Variants in ITSN1 observed in about 807,000 individuals in gnomAD.
ITSN1 encodes intersectin-1.
In ITSN1, 58 loss-of-function variants were observed where a neutral mutation model predicts 239.8. The observed-to-expected ratio is 0.24, with a 90% confidence interval of 0.20 to 0.30. The LOEUF is 0.30. ITSN1 is among the 10% of genes least tolerant of loss of function. The pLI, the probability that ITSN1 is intolerant of heterozygous loss-of-function variation, is 1.00. For missense variants in ITSN1, 1,558 were observed against 2,103.3 expected (o/e 0.74, Z 5.07); for synonymous variants, 780 against 770.8 (o/e 1.01, Z -0.20).
intron 20 of ITSN1, among the ~76,000 whole-genome samples, chr21:33,805,550 T>C (rs1335831077): frequency 1.3e-5 from 2 of 152,178 alleles, no homozygotes; most frequent in Non-Finnish European, 2.9e-5. Context: ...TAAAGTTTTA[T>C]TGGAACACAG....
intron 37 of ITSN1, 46 bp from the exon 38 acceptor site, chr21:33,885,393 G>A (rs1159304048): frequency 3.3e-6 from 5 of 1,526,912 alleles, no homozygotes; most frequent in African/African-American, 1.4e-5. Context: ...TGGGAAAGGT[G>A]TGGCACGTTC....
rs557947557 is a variant in ITSN1, at chr21:33,824,820, C to T, written c.3183+1167C>T. 2.6e-4 allele frequency among the ~76,000 whole-genome samples: 40 copies of T among 152,238 alleles called. 3 individuals are homozygous for T. In the South Asian group the frequency reaches 8.3e-3, roughly 32 times the overall value. On this transcript the variant is annotated intron_variant, in intron 25 of 39. Transcript: ENST00000381318. ...TTTCTTGCTGCGGTCTTGAGAGCAG[C>T]TAAGTGGAATTCCCATGGATGGATT... is the stretch of plus-strand genomic sequence containing the variant.
chr21:33,800,156 CAG>C (rs897262624), intron 19 of ITSN1, among the ~76,000 whole-genome samples: 51 of 151,938 alleles, frequency 3.4e-4, no homozygotes, highest in African/African-American at 1.1e-3. Flanking sequence ...TTGATAAAGA[CAG>C]TGTGTTCTTA....
At chr21:33,716,464 C>G (rs2065148647) in intron 1 of ITSN1, 1 of 152,316 alleles carries the variant, frequency 6.6e-6, no homozygotes, top group Admixed American at 6.6e-5. Context: ...CTTCACACCC[C>G]ACCCAGCAGT....
intron 27 of ITSN1, among the ~76,000 whole-genome samples, 192 bp from the exon 28 acceptor site, chr21:33,834,115 C>T (rs1479157297): frequency 6.6e-6 from 1 of 152,152 alleles, no homozygotes; most frequent in Non-Finnish European, 1.5e-5. Context: ...CTTTGCTGAC[C>T]AGTGATTGCC....
At chr21:33,735,231 G>C (rs1182926803) in intron 5 of ITSN1, 27 bp downstream of exon 5, 55 of 1,594,548 alleles carry the variant, frequency 3.4e-5, no homozygotes, top group Non-Finnish European at 4.6e-5. Context: ...ATTGGTTTCT[G>C]TATTTTCTTG....
intron 29 of ITSN1, chr21:33,838,200 T>G (rs572314862): frequency 2.5e-5 from 25 of 985,140 alleles, no homozygotes; most frequent in Non-Finnish European, 2.9e-5. Context: ...GCACAGAAAA[T>G]GGGGCAGGGG....
intron 33 of ITSN1, among the ~76,000 whole-genome samples, chr21:33,870,028 C>A (rs1325161651): frequency 6.6e-6 from 1 of 152,140 alleles, no homozygotes; most frequent in Admixed American, 6.5e-5. Context: ...CTGTGAAGAG[C>A]CTGGCTCTCA....
At chr21:33,773,068 A>G (rs2069301203) in intron 12 of ITSN1, among the ~76,000 whole-genome samples, 1 of 147,502 alleles carries the variant, frequency 6.8e-6, no homozygotes, top group Non-Finnish European at 1.5e-5. Context: ...ATGCAGTGGC[A>G]TGATCTCAGC....
chr21:33,722,613 T>A lies in ITSN1; in HGVS notation c.147T>A (p.Phe49Leu). 1 of 1,582,664 alleles carries A rather than the reference T, an allele frequency of 6.3e-7. No homozygotes were observed. The highest frequency in any genetic ancestry group is 1.2e-5 in the South Asian group (1 of 83,394). ...ITGDQARNFF[F>L]QSGLPQPVLA... ...GTGATCAAGCTAGAAACTTTTTTTT[T>A]CAATCTGGGTTACCTCAACCTGTTT... Residue 49 changes from phenylalanine to leucine, a missense_variant, in exon 4 of 40, where the codon TTT becomes TTA. By Grantham distance (22) the Phe-to-Leu change is conservative. Transcript: ENST00000381318.
chr21:33,846,750 C>A (rs2075001815), intron 29 of ITSN1, among the ~76,000 whole-genome samples: 1 of 152,206 alleles, frequency 6.6e-6, no homozygotes, highest in South Asian at 2.1e-4. Context: ...AGTGTTCATT[C>A]TCCCTGCTGC....
In ITSN1 at chr21:33,717,731, G is replaced by T. The variant is rs1044508287; in HGVS notation, c.-32-1066G>T. On this transcript the variant is annotated intron_variant, in intron 1 of 39. Coordinates refer to ENST00000381318, the MANE Select transcript of ITSN1 (RefSeq NM_003024.3). Reference sequence around the variant, plus strand: ...CCACCACGCCCAGCTAATTTTTTTTGTGTGTGTGTGTGTTTCCAGTAGAGA... The same window carrying T: ...CCACCACGCCCAGCTAATTTTTTTTTTGTGTGTGTGTGTTTCCAGTAGAGA... 9.2e-5 allele frequency among the ~76,000 whole-genome samples: 14 copies of T among 151,474 alleles called. 1 individual carries two copies. The highest frequency in any genetic ancestry group is 6.3e-4 in the South Asian group (3 of 4,774).
intron 1 of ITSN1, among the ~76,000 whole-genome samples, chr21:33,682,272 A>G (rs1412768541): frequency 2.0e-5 from 3 of 149,422 alleles, no homozygotes; most frequent in Admixed American, 1.3e-4. Context: ...CTGGAGTGCA[A>G]TGGCGCAATC....
In ITSN1 at chr21:33,772,114, G is replaced by A. The variant is rs779765019; in HGVS notation, c.1096G>A (p.Glu366Lys). 25 of 1,614,114 alleles carry A rather than the reference G, an allele frequency of 1.5e-5. No individual in the cohort carries two copies. Among genetic ancestry groups the A allele is most frequent in the Non-Finnish European group, 2.1e-5 (25 of 1,180,038 alleles). ...CTTTGAACGTGGCAACCTGGAACTGGAGAAACGAAGGCAAGCTCTCCTGGA... is the reference window on the plus strand; with the variant it reads ...CTTTGAACGTGGCAACCTGGAACTGAAGAAACGAAGGCAAGCTCTCCTGGA... The part of the protein sequence containing the change: ...ENFERGNLEL[E>K]KRRQALLEQQ... The change falls in exon 12 of 40, where the codon GAG becomes AAG. Residue 366 changes from glutamate (E) to lysine (K), a missense_variant. Around this residue, in one of 2 missense-constraint regions of ITSN1, gnomAD observed 982 missense variants for 1,209.9 expected, o/e 0.81. Transcript: ENST00000381318.
At chr21:33,866,560 G>C (rs189116101) in intron 32 of ITSN1, among the ~76,000 whole-genome samples, 239 of 152,174 alleles carry the variant, frequency 1.6e-3, no homozygotes, top group African/African-American at 5.7e-3. Flanking sequence ...CCAGCTGCGA[G>C]GTGTTCCTGG....
intron 30 of ITSN1, among the ~76,000 whole-genome samples, chr21:33,857,909 C>G (rs536993675): frequency 2.2e-4 from 33 of 152,266 alleles, no homozygotes; most frequent in African/African-American, 7.9e-4. Context: ...AGGGAGCAGC[C>G]GCAGCCCAGC....
At chr21:33,671,031 T>C (rs951745905) in intron 1 of ITSN1, among the ~76,000 whole-genome samples, 2 of 152,188 alleles carry the variant, frequency 1.3e-5, no homozygotes, top group Non-Finnish European at 2.9e-5. Flanking sequence ...GAAATGGAAT[T>C]TGGTTTTAGG....
chr21:33,757,159 A>T (rs906603762), intron 8 of ITSN1: 1 of 152,234 alleles, frequency 6.6e-6, no homozygotes, highest in African/African-American at 2.4e-5. Context: ...CTACATTGCC[A>T]ATGAATCCAA....
Position 33,674,328 on chromosome 21 carries a change from A to G in ITSN1, c.-33+31615A>G, listed in dbSNP as rs956603256. The stretch of plus-strand genomic sequence containing the variant: ...TTGAAATACAATTTGACTGTTTTCA[A>G]GAGAGTTTGGATTCTGAAGGCCCAC... On this transcript the variant is annotated intron_variant, in intron 1 of 39. Coordinates refer to ENST00000381318, the MANE Select transcript of ITSN1 (RefSeq NM_003024.3). Among the ~76,000 whole-genome samples, 14 of 152,344 alleles carry G rather than the reference A, an allele frequency of 9.2e-5. No homozygotes were observed. The South Asian group carries it at 1.0e-3, about 11-fold the overall frequency.
Sources: gnomAD v4.1 joint callset for allele counts (sites outside exome capture counted in the v4.1 genomes callset) on GRCh38, gnomAD v4.1.1 for gene constraint, gnomAD v4.1.1 regional missense constraint, MANE v1.5 for transcripts, NCBI Gene and HGNC (gene_info 2026-07-23, HGNC 2026-07-21) for gene names.